The following SCMH1 variants were observed in gnomAD, a reference collection of about 807,000 sequenced individuals.
The protein encoded by SCMH1 is polycomb protein SCMH1.
In SCMH1, 37 loss-of-function variants were observed where a neutral mutation model predicts 70.8. That is an observed-to-expected ratio of 0.52 (90% CI 0.40 to 0.69). The LOEUF is 0.69. Among genes scored for constraint, SCMH1 ranks in the 30% least tolerant of loss-of-function variants. The pLI is 0.00. For missense variants in SCMH1, 607 were observed against 827.3 expected (o/e 0.73, Z 3.27); for synonymous variants, 292 against 307.4 (o/e 0.95, Z 0.52).
intron 2 of SCMH1, among the ~76,000 whole-genome samples, chr1:41,166,660 G>A (rs1177900280): frequency 1.2e-5 from 1 of 84,634 alleles, no homozygotes; most frequent in East Asian, 3.0e-4. Context: ...CACTGTTAGT[G>A]TATAGAAATG....
intron 5 of SCMH1, among the ~76,000 whole-genome samples, chr1:41,151,085 T>G (rs1015905676): frequency 2.0e-5 from 3 of 152,202 alleles, no homozygotes; most frequent in Non-Finnish European, 2.9e-5. Flanking sequence ...AACACTTCTT[T>G]GCTTATCAGC....
intron 1 of SCMH1, among the ~76,000 whole-genome samples, chr1:41,228,727 C>T (rs1660743385): frequency 1.3e-5 from 2 of 148,484 alleles, no homozygotes; most frequent in Admixed American, 1.4e-4. Context: ...ACCTGGGTGA[C>T]AGAGCAAGAT....
intron 8 of SCMH1, among the ~76,000 whole-genome samples, chr1:41,104,915 G>A (rs1351370636): frequency 6.6e-6 from 1 of 151,820 alleles, no homozygotes; most frequent in African/African-American, 2.4e-5. Flanking sequence ...TCTTACTTTT[G>A]GCCATTAGGT....
At chr1:41,084,247 C>T (rs1363584647) in intron 8 of SCMH1, among the ~76,000 whole-genome samples, 1 of 152,204 alleles carries the variant, frequency 6.6e-6, no homozygotes. Context: ...GGCTAATATT[C>T]AGAATCTACA....
chr1:41,217,490 G>A (rs1351279359), intron 1 of SCMH1, among the ~76,000 whole-genome samples: 1 of 152,166 alleles, frequency 6.6e-6, no homozygotes, highest in East Asian at 1.9e-4. Flanking sequence ...ACAGGGCCAG[G>A]GCAAGGGTAT....
intron 10 of SCMH1, 46 bp from the exon 11 acceptor site, chr1:41,048,936 A>G: frequency 6.6e-7 from 1 of 1,520,634 alleles, no homozygotes; most frequent in Non-Finnish European, 8.9e-7. Context: ...TCTCTGGGAT[A>G]GAGAAGTCAG....
intron 13 of SCMH1, among the ~76,000 whole-genome samples, chr1:41,029,189 C>A (rs1422160976): frequency 6.6e-6 from 1 of 152,134 alleles, no homozygotes. Flanking sequence ...CTCATTACAG[C>A]CTGATACACT....
chr1:41,030,572 A>AT (rs1204898894), intron 13 of SCMH1, among the ~76,000 whole-genome samples: 3 of 152,156 alleles, frequency 2.0e-5, no homozygotes, highest in Admixed American at 2.0e-4. Context: ...CTTACCTCAA[A>AT]TATTGATTCC....
At chr1:41,095,012 CT>C (rs964661595) in intron 8 of SCMH1, among the ~76,000 whole-genome samples, 19 of 152,172 alleles carry the variant, frequency 1.2e-4, no homozygotes, top group Non-Finnish European at 2.6e-4. Flanking sequence ...CCCCAAACCC[CT>C]GGCACTCTCT....
intron 2 of SCMH1, among the ~76,000 whole-genome samples, chr1:41,179,918 G>A (rs1388684025): frequency 1.3e-5 from 2 of 152,064 alleles, no homozygotes; most frequent in Non-Finnish European, 2.9e-5. Context: ...CAAAAAAAGA[G>A]AATTTTAGAC....
chr1:41,228,937 G>A (rs2148890361), intron 1 of SCMH1, among the ~76,000 whole-genome samples: 1 of 152,284 alleles, frequency 6.6e-6, no homozygotes, highest in South Asian at 2.1e-4. Flanking sequence ...GTTGGTGGCA[G>A]TTAAGATTCA....
At chr1:41,104,795 G>C (rs1424453464) in intron 8 of SCMH1, among the ~76,000 whole-genome samples, 1 of 152,092 alleles carries the variant, frequency 6.6e-6, no homozygotes, top group Non-Finnish European at 1.5e-5. Flanking sequence ...AGGAAAAAAA[G>C]CTGGGTGGAA....
At chr1:41,071,620 T>C (rs1434788330) in intron 9 of SCMH1, among the ~76,000 whole-genome samples, 1 of 152,118 alleles carries the variant, frequency 6.6e-6, no homozygotes, top group Non-Finnish European at 1.5e-5. Context: ...AGGGCAGTTT[T>C]TGGGGGAGAA....
chr1:41,127,549 T>C (rs1305524323), intron 6 of SCMH1, among the ~76,000 whole-genome samples: 3 of 152,214 alleles, frequency 2.0e-5, no homozygotes, highest in Admixed American at 6.5e-5. Flanking sequence ...CTAATGGCTA[T>C]TAACTTATCC....
At chr1:41,177,266 T>C (rs966783749) in intron 2 of SCMH1, among the ~76,000 whole-genome samples, 2 of 151,856 alleles carry the variant, frequency 1.3e-5, no homozygotes, top group African/African-American at 4.8e-5. Context: ...AGACTAAAGG[T>C]AGATAAAACC....
chr1:41,158,048 C>T (rs941180786), intron 4 of SCMH1, among the ~76,000 whole-genome samples: 4 of 152,134 alleles, frequency 2.6e-5, no homozygotes, highest in African/African-American at 9.7e-5. Context: ...CTGAAAACTA[C>T]ACTTTGAGAG....
chr1:41,031,054 A>C (rs1452212739), intron 13 of SCMH1, among the ~76,000 whole-genome samples: 1 of 152,154 alleles, frequency 6.6e-6, no homozygotes, highest in African/African-American at 2.4e-5. Flanking sequence ...TGGGTGGCCA[A>C]GGCAGGAGGA....
intron 1 of SCMH1, among the ~76,000 whole-genome samples, chr1:41,214,947 C>T (rs1028274905): frequency 3.9e-5 from 6 of 152,208 alleles, no homozygotes; most frequent in African/African-American, 1.2e-4. Context: ...AAATGCTAAA[C>T]GTAGTTATGT....
chr1:41,097,979 T>C (rs1225457854), intron 8 of SCMH1, among the ~76,000 whole-genome samples: 4 of 152,260 alleles, frequency 2.6e-5, no homozygotes. Context: ...TCTTAGCTGG[T>C]GCCTTGCATG....
Sources: allele counts gnomAD v4.1 joint callset (sites outside exome capture counted in the v4.1 genomes callset), GRCh38; gene constraint gnomAD v4.1.1; transcripts MANE v1.5; gene names NCBI Gene and HGNC (gene_info 2026-07-23, HGNC 2026-07-21).